Variants in GRB10 observed in about 807,000 individuals in gnomAD.
GRB10 encodes the protein growth factor receptor bound protein 10, also known as growth factor receptor-bound protein 10.
A neutral mutation model predicts 80.9 loss-of-function variants in GRB10; 20 were observed. That is an observed-to-expected ratio of 0.25 (90% confidence interval 0.17 to 0.36). The LOEUF (loss-of-function observed/expected upper bound fraction) is 0.36. Among genes scored for constraint, GRB10 ranks in the 10% least tolerant of loss-of-function variants. GRB10 has a pLI of 1.00. For missense variants in GRB10, 548 were observed against 747.7 expected (o/e 0.73, Z 3.12); for synonymous variants, 291 against 291.5 (o/e 1.00, Z 0.02).
exon 1 of GRB10, chr7:50,793,333 G>T (rs1208596947): frequency 6.8e-6 from 1 of 146,170 alleles, no homozygotes; most frequent in Non-Finnish European, 1.5e-5. Flanking sequence ...AGACTGTCCC[G>T]GGCGCCCCGC....
intron 5 of GRB10, among the ~76,000 whole-genome samples, chr7:50,695,486 G>A (rs76074978): frequency 0.031 from 4,680 of 152,122 alleles, 243 homozygotes; most frequent in African/African-American, 0.11. Context: ...CAGGGGCAAA[G>A]AATATAACGC....
At chr7:50,728,058 A>G (rs1437332324) in intron 4 of GRB10, among the ~76,000 whole-genome samples, 1 of 152,238 alleles carries the variant, frequency 6.6e-6, no homozygotes, top group Non-Finnish European at 1.5e-5. Context: ...CATTTTAGGT[A>G]AATGTCCTAT....
chr7:50,665,400 A>G (rs1445582261), intron 7 of GRB10, among the ~76,000 whole-genome samples: 1 of 152,274 alleles, frequency 6.6e-6, no homozygotes, highest in African/African-American at 2.4e-5. Flanking sequence ...GTCTAGAAAG[A>G]CAACTCCAAA....
chr7:50,725,148 T>A (rs1408414094), intron 4 of GRB10, among the ~76,000 whole-genome samples: 1 of 152,154 alleles, frequency 6.6e-6, no homozygotes, highest in Non-Finnish European at 1.5e-5. Context: ...ATCCCCAAGG[T>A]TGGAGGAGGA....
intron 5 of GRB10, among the ~76,000 whole-genome samples, chr7:50,690,222 G>A (rs865905110): frequency 1.3e-5 from 2 of 152,060 alleles, no homozygotes; most frequent in Admixed American, 6.5e-5. Flanking sequence ...CTTGAACCCG[G>A]GAGGTGGAGG....
At position 50,648,964 on chromosome 7, in the gene GRB10, C is replaced by T. The variant is rs548928497; in HGVS notation, c.504+20758G>A. On this transcript the variant is annotated intron_variant, in intron 7 of 18. Transcript: ENST00000401949. ...AGGTCAGCTGCCTCTTCTTCCTGCTCCTGAGTGGCCACGGGACTTGGGGGT... is the reference window on the plus strand; with the variant it reads ...AGGTCAGCTGCCTCTTCTTCCTGCTTCTGAGTGGCCACGGGACTTGGGGGT... 1.6e-4 allele frequency among the ~76,000 whole-genome samples: 25 copies of T among 152,210 alleles called. No individual in the cohort carries two copies. In the South Asian group the frequency reaches 5.0e-3, roughly 30 times the overall value.
rs140362023 is a variant in GRB10 at position 50,731,985 on chromosome 7, C to T, written c.51+287G>A. Among the ~76,000 whole-genome samples the T allele has an allele frequency of 3.4e-3, 512 of 152,328 alleles. 1 individual carries two copies. The highest frequency in any genetic ancestry group is 0.02 in the Middle Eastern group (6 of 294). On this transcript the variant is annotated intron_variant, in intron 4 of 18. Coordinates refer to ENST00000401949, the MANE Select transcript of GRB10 (RefSeq NM_001350814.2). ...TTGCTTCATTCCAAACACGGAAGCC[C>T]GGCTCTCAGGGGGCAACTCTGTACT... is the stretch of plus-strand genomic sequence containing the variant.
chr7:50,738,852 T>C (rs2071248105), intron 3 of GRB10, among the ~76,000 whole-genome samples: 1 of 152,222 alleles, frequency 6.6e-6, no homozygotes, highest in African/African-American at 2.4e-5. Context: ...GTCTTTTTGC[T>C]TCCCTTGATT....
chr7:50,727,082 A>G (rs1256938903), intron 4 of GRB10: 24 of 152,232 alleles, frequency 1.6e-4, no homozygotes, highest in Non-Finnish European at 2.9e-5. Context: ...CATTTATAAA[A>G]TGGGTATCAT....
chr7:50,721,942 A>C (rs926188218), intron 4 of GRB10, among the ~76,000 whole-genome samples: 4 of 152,358 alleles, frequency 2.6e-5, no homozygotes, highest in South Asian at 4.1e-4. Flanking sequence ...CGGAAGAAGA[A>C]GACAGCGCGT....
At chr7:50,776,369 C>T (rs2077646899) in intron 2 of GRB10, among the ~76,000 whole-genome samples, 1 of 149,058 alleles carries the variant, frequency 6.7e-6, no homozygotes. Flanking sequence ...CACACCACCA[C>T]ACTCCGCTAA....
chr7:50,680,033 A>C (rs1363279989), intron 5 of GRB10, among the ~76,000 whole-genome samples: 2 of 152,266 alleles, frequency 1.3e-5, no homozygotes, highest in African/African-American at 4.8e-5. Flanking sequence ...TAAGTAGAAT[A>C]AGAAAACCAG....
intron 12 of GRB10, among the ~76,000 whole-genome samples, 179 bp downstream of exon 12, chr7:50,614,591 T>G (rs1372778268): frequency 6.7e-6 from 1 of 149,038 alleles, no homozygotes; most frequent in Non-Finnish European, 1.5e-5. Flanking sequence ...TCTGAGCTAC[T>G]CAAGGACTGA....
chr7:50,763,072 C>T (rs1005643680), intron 2 of GRB10, among the ~76,000 whole-genome samples: 4 of 150,738 alleles, frequency 2.7e-5, no homozygotes, highest in South Asian at 2.1e-4. Context: ...GAGCCGAGAT[C>T]GTGCCACTGC....
intron 4 of GRB10, among the ~76,000 whole-genome samples, chr7:50,710,386 G>C (rs1242710839): frequency 6.6e-6 from 1 of 152,134 alleles, no homozygotes; most frequent in African/African-American, 2.4e-5. Flanking sequence ...GCACAAAACA[G>C]CGAGGAAGCA....
chr7:50,660,329 T>G (rs759634818), intron 7 of GRB10, among the ~76,000 whole-genome samples: 2 of 152,002 alleles, frequency 1.3e-5, no homozygotes, highest in East Asian at 3.9e-4. Flanking sequence ...GCTGCATTCA[T>G]GCAGGAAGGG....
chr7:50,726,834 T>G (rs1248455655), intron 4 of GRB10: 1 of 152,184 alleles, frequency 6.6e-6, no homozygotes, highest in Non-Finnish European at 1.5e-5. Context: ...GGAGGAGATT[T>G]TGGCATTTGG....
chr7:50,626,841 G>A lies in GRB10; in HGVS notation c.642C>T (p.His214=), dbSNP rs2053001958. 6.2e-7 allele frequency: 1 copy of A among 1,614,040 alleles called. No homozygotes were observed. The highest frequency in any genetic ancestry group is 1.7e-5 in the Admixed American group (1 of 59,998). ...VDDNSWTLVE[H]HPHLGLERCL... ...CCCTACCTAATCCTAGGTGCGGGTG[G>A]TGCTCCACTAGTGTCCAGCTGTTGT... Residue 214 remains histidine, a synonymous_variant, in exon 8 of 19, where the codon CAC becomes CAT. Transcript: ENST00000401949.
At chr7:50,617,886 CAAGGAA>C in intron 10 of GRB10, 179 bp downstream of exon 10, 3 of 647,510 alleles carry the variant, frequency 4.6e-6, no homozygotes, top group South Asian at 3.6e-5. Flanking sequence ...ACAGATTTTC[CAAGGAA>C]ACTTTTAATT....
Sources: allele counts gnomAD v4.1 joint callset (sites outside exome capture counted in the v4.1 genomes callset), GRCh38; gene constraint gnomAD v4.1.1; transcripts MANE v1.5; gene names NCBI Gene and HGNC (gene_info 2026-07-23, HGNC 2026-07-21).